The following CLEC2A variants were observed in gnomAD, a reference collection of about 807,000 sequenced individuals.
CLEC2A encodes keratinocyte-associated C-type lectin.
CLEC2A carries 19 observed loss-of-function variants against 18.6 expected under a neutral mutation model. The ratio of observed to expected loss-of-function variants is 1.02; its 90% CI spans 0.71 to 1.50. The LOEUF is 1.50. CLEC2A is among the 40% of genes most tolerant of loss of function. The pLI is 0.00. For missense variants in CLEC2A, 190 were observed against 207.9 expected, an observed-to-expected ratio of 0.91 and a Z score of 0.53; for synonymous variants, 74 against 64.0, an observed-to-expected ratio of 1.16 and a Z score of -0.75.
chr12:9,888,203 A>C, the CLEC2A span, among the ~76,000 whole-genome samples: 1 of 151,950 alleles, frequency 6.6e-6, no homozygotes, highest in African/African-American at 2.4e-5. Flanking sequence ...AATATTTAGA[A>C]TTGCAGGCCG....
Position 9,900,398 on chromosome 12 carries a change from C to G in CLEC2A, c.411-1422G>C, listed in dbSNP as rs572017697. Among the ~76,000 whole-genome samples the G allele has an allele frequency of 6.2e-4, 94 of 152,222 alleles. No homozygotes were observed. The South Asian group carries it at 0.019, about 31-fold the overall frequency. ...TGTATAAGCTTTGAAATCTAGTTCT[C>G]TCTCTGCAGTCCTCATTTTTGTTAA... is the stretch of plus-strand genomic sequence containing the variant. On this transcript the variant is annotated intron_variant, in intron 4 of 4. Coordinates refer to the CLEC2A transcript ENST00000339766.
In CLEC2A at chr12:9,932,316, T is replaced by C. The variant is rs1466301530; in HGVS notation, c.14A>G (p.Glu5Gly). 6.4e-7 allele frequency: 1 copy of C among 1,552,002 alleles called. No individual in the cohort carries two copies. The highest frequency in any genetic ancestry group is 8.7e-7 in the Non-Finnish European group (1 of 1,147,018). Residue 5 changes from glutamate (E) to glycine (G), a missense_variant, in exon 1 of 5, where the codon GAG becomes GGG. By Grantham distance (98) the Glu-to-Gly change is moderately conservative. Transcript: ENST00000455827. Reference protein sequence around the residue: MINPELRDGRADGFI... With the variant: MINPGLRDGRADGFI... ...GCCATCAGCTCTGCCATCCCGCAGCTCTGGATTAATCATGGCAAGGCGCTA... is the reference window on the plus strand; with the variant it reads ...GCCATCAGCTCTGCCATCCCGCAGCCCTGGATTAATCATGGCAAGGCGCTA...
chr12:9,919,967 A>G (rs1236345238), intron 3 of CLEC2A, among the ~76,000 whole-genome samples: 1 of 152,178 alleles, frequency 6.6e-6, no homozygotes, highest in Non-Finnish European at 1.5e-5. Context: ...TTTGTAGAGC[A>G]GCTGTGCCGT....
chr12:9,894,126 T>TTTTCTCTCTC (rs1862724795), downstream of CLEC2A, among the ~76,000 whole-genome samples: 1 of 130,200 alleles, frequency 7.7e-6, no homozygotes, highest in African/African-American at 3.0e-5. Context: ...TTTCTTTTCT[T>TTTTCTCTCTC]TCTCTCTCTC....
downstream of CLEC2A, among the ~76,000 whole-genome samples, chr12:9,912,315 A>G (rs925611376): frequency 6.6e-6 from 1 of 152,060 alleles, no homozygotes; most frequent in Non-Finnish European, 1.5e-5. Context: ...TTAGGCCGTG[A>G]GTCCCAACCC....
chr12:9,922,029 A>G (rs1457666271), intron 3 of CLEC2A, 37 bp downstream of exon 3: 1 of 1,457,260 alleles, frequency 6.9e-7, no homozygotes, highest in Non-Finnish European at 9.2e-7. Flanking sequence ...TATACAAACA[A>G]TCTCTGAAAT....
At chr12:9,895,846 A>ACAT (rs1419931494), downstream of CLEC2A, 2 of 1,513,490 alleles carry the variant, frequency 1.3e-6, no homozygotes, top group South Asian at 2.5e-5. Flanking sequence ...GTACAACCAA[A>ACAT]CATAGAAATA....
chr12:9,892,904 A>AC, the CLEC2A span: 1 of 323,934 alleles, frequency 3.1e-6, no homozygotes, highest in Non-Finnish European at 3.9e-6. Context: ...TTTATTGACC[A>AC]AAAAAAAAAA....
At chr12:9,894,153 T>TCC (rs1555127283), downstream of CLEC2A, among the ~76,000 whole-genome samples, 29 of 144,088 alleles carry the variant, frequency 2.0e-4, no homozygotes, top group African/African-American at 6.9e-4. Flanking sequence ...TCTCTCTCTC[T>TCC]CCCTCCCTTC....
chr12:9,911,196 G>A (rs1250452638), downstream of CLEC2A, among the ~76,000 whole-genome samples: 4 of 152,166 alleles, frequency 2.6e-5, no homozygotes, highest in Admixed American at 6.5e-5. Flanking sequence ...GGGAAGAGAA[G>A]AGGGCCACCT....
At chr12:9,896,703 A>G (rs1862759960), downstream of CLEC2A, among the ~76,000 whole-genome samples, 1 of 152,090 alleles carries the variant, frequency 6.6e-6, no homozygotes, top group Non-Finnish European at 1.5e-5. Flanking sequence ...GCACATACTT[A>G]ATTTTTACTT....
intron 4 of CLEC2A, among the ~76,000 whole-genome samples, chr12:9,907,264 G>A (rs910541830): frequency 1.3e-5 from 2 of 152,166 alleles, no homozygotes; most frequent in African/African-American, 4.8e-5. Context: ...AGCTAGAACA[G>A]GGGCAGTTAT....
intron 2 of CLEC2A, among the ~76,000 whole-genome samples, chr12:9,922,859 G>A (rs570435460): frequency 6.6e-6 from 1 of 152,240 alleles, no homozygotes; most frequent in South Asian, 2.1e-4. Flanking sequence ...GTAATAAAGA[G>A]CCAACTATAT....
intron 4 of CLEC2A, among the ~76,000 whole-genome samples, chr12:9,915,478 TA>T (rs996889926): frequency 7.3e-5 from 11 of 151,380 alleles, no homozygotes; most frequent in Admixed American, 1.3e-4. Flanking sequence ...ATAGACTGGT[TA>T]AAAAAAAATG....
At chr12:9,899,087 G>T in intron 4 of CLEC2A, 1 of 591,348 alleles carries the variant, frequency 1.7e-6, no homozygotes, top group Non-Finnish European at 3.2e-6. Context: ...TTATCAGTTT[G>T]CACAGGGAGA....
At chr12:9,903,895 CT>C (rs1205942030) in intron 4 of CLEC2A, among the ~76,000 whole-genome samples, 2 of 152,154 alleles carry the variant, frequency 1.3e-5, no homozygotes, top group East Asian at 3.9e-4. Context: ...TGAGGGACAT[CT>C]CTTGTTTTAT....
chr12:9,908,244 T>C (rs1862933068), downstream of CLEC2A, among the ~76,000 whole-genome samples: 1 of 152,210 alleles, frequency 6.6e-6, no homozygotes, highest in South Asian at 2.1e-4. Flanking sequence ...AGGATGGATG[T>C]GTCTTTCACC....
At chr12:9,917,024 G>A (rs566443583) in intron 3 of CLEC2A, among the ~76,000 whole-genome samples, 3 of 152,132 alleles carry the variant, frequency 2.0e-5, no homozygotes, top group East Asian at 3.9e-4. Context: ...CCAGATAATT[G>A]GGCTACAACC....
At chr12:9,914,124 A>G (rs1863031108) in intron 4 of CLEC2A, among the ~76,000 whole-genome samples, 1 of 152,256 alleles carries the variant, frequency 6.6e-6, no homozygotes, top group Admixed American at 6.5e-5. Context: ...TTCAAAAAGT[A>G]AAAATAAGAT....
Sources: gnomAD v4.1 joint callset for allele counts (sites outside exome capture counted in the v4.1 genomes callset) on GRCh38, gnomAD v4.1.1 for gene constraint, MANE v1.5 for transcripts, NCBI Gene and HGNC (gene_info 2026-07-23, HGNC 2026-07-21) for gene names.